The following NCBP2L variants were observed in gnomAD, a reference collection of about 807,000 sequenced individuals.
The protein encoded by NCBP2L is nuclear cap binding protein subunit 2 like.
For synonymous variants in NCBP2L, 39 were observed against 19.2 expected, an observed-to-expected ratio of 2.04 and a Z score of -2.70; for missense variants, 95 against 53.1, an observed-to-expected ratio of 1.79 and a Z score of -2.45.
At chrX:107,781,841 T>TCTATATTTATATATAGATATCTAG in intron 1 of NCBP2L, among the ~76,000 whole-genome samples, 1 of 98,415 alleles carries the variant, frequency 1.0e-5, no homozygotes, top group African/African-American at 3.7e-5. Flanking sequence ...GAGATATATA[T>TCTATATTTATATATAGATATCTAG]ATTTATATAT....
intron 1 of NCBP2L, among the ~76,000 whole-genome samples, chrX:107,791,788 G>T (rs181598907): frequency 8.9e-6 from 1 of 112,407 alleles, no homozygotes; most frequent in East Asian, 2.8e-4. Context: ...CATTGTCACA[G>T]TATTTGTTGC....
chrX:107,792,122 A>G (rs1930460074), intron 1 of NCBP2L, among the ~76,000 whole-genome samples: 1 of 112,330 alleles, frequency 8.9e-6, no homozygotes, highest in Non-Finnish European at 1.9e-5. Context: ...GCTCTCTGCT[A>G]GAACCTTCCT....
chrX:107,779,093 G>C (rs1321755881), intron 1 of NCBP2L, among the ~76,000 whole-genome samples: 1 of 111,830 alleles, frequency 8.9e-6, no homozygotes, highest in Non-Finnish European at 1.9e-5. Flanking sequence ...TTACAAAGCA[G>C]TTCAGTGTTA....
intron 1 of NCBP2L, among the ~76,000 whole-genome samples, chrX:107,784,195 T>C (rs1368183135): frequency 8.9e-6 from 1 of 111,913 alleles, no homozygotes; most frequent in Admixed American, 9.5e-5. Context: ...GTCATTATTG[T>C]TACCTGACCT....
At chrX:107,786,127 A>C (rs1485985909) in intron 1 of NCBP2L, among the ~76,000 whole-genome samples, 1 of 110,961 alleles carries the variant, frequency 9.0e-6, no homozygotes, top group African/African-American at 3.3e-5. Flanking sequence ...TAGCATTGTC[A>C]ATTGTCTTTC....
intron 1 of NCBP2L, among the ~76,000 whole-genome samples, chrX:107,789,174 CT>C (rs760912732): frequency 0.031 from 2,086 of 66,972 alleles, 21 homozygotes; most frequent in African/African-American, 0.068. Context: ...GTCCTAACCT[CT>C]TTTTTTTTTT....
At chrX:107,788,087 A>G (rs1341575905) in intron 1 of NCBP2L, among the ~76,000 whole-genome samples, 1 of 111,931 alleles carries the variant, frequency 8.9e-6, no homozygotes, top group Non-Finnish European at 1.9e-5. Flanking sequence ...TCCAGTAGCA[A>G]GAGTCAAGGA....
rs963393047 is a variant in NCBP2L, at chrX:107,794,922, C to T, written c.*240C>T. The T allele has an allele frequency of 2.0e-4, 50 of 252,806 alleles. 1 individual carries two copies. The East Asian group carries it at 3.3e-3, about 17-fold the overall frequency. The allele number at this position is 252,806 out of a possible 1,213,427, so 20.8% of individuals were successfully genotyped here. On this transcript the variant is annotated 3_prime_UTR_variant, in exon 2 of 2. Coordinates refer to ENST00000509000, the MANE Select transcript of NCBP2L (RefSeq NM_001348372.2). ...AGGTGGTCCAAAGTGAAGTGTTCTT[C>T]GGGAACAAATTAGGTATGTAAGATC...
At chrX:107,791,980 C>T (rs1014360611) in intron 1 of NCBP2L, among the ~76,000 whole-genome samples, 3 of 112,265 alleles carry the variant, frequency 2.7e-5, no homozygotes, top group African/African-American at 9.7e-5. Context: ...ATCTCCACTG[C>T]TTCACTACTG....
At chrX:107,782,826 T>C (rs1053778076) in intron 1 of NCBP2L, among the ~76,000 whole-genome samples, 2 of 107,972 alleles carry the variant, frequency 1.9e-5, no homozygotes, top group African/African-American at 6.7e-5. Context: ...ATTTTATATA[T>C]ACATATACAT....
intron 1 of NCBP2L, among the ~76,000 whole-genome samples, chrX:107,783,753 C>T (rs5962884): frequency 0.28 from 31,302 of 110,056 alleles, 6,147 homozygotes; most frequent in African/African-American, 0.71. Flanking sequence ...AGCTAATTAA[C>T]ATATACATCA....
intron 1 of NCBP2L, among the ~76,000 whole-genome samples, chrX:107,792,341 C>CAAA (rs35382213): frequency 1.4e-4 from 10 of 69,260 alleles, no homozygotes; most frequent in Admixed American, 1.1e-3. Flanking sequence ...GTAACCAGAT[C>CAAA]AAAAAAAAAA....
Position 107,782,190 on chromosome X carries a change from TA to T in NCBP2L, c.-73+4333del, listed in dbSNP as rs1930304063. Among the ~76,000 whole-genome samples, 2 of 21,801 alleles carry T rather than the reference TA, an allele frequency of 9.2e-5. 1 individual carries two copies. Among genetic ancestry groups the T allele is most frequent in the African/African-American group, 5.4e-4 (2 of 3,715 alleles). The allele number at this position is 21,801 out of a possible 115,157, so 18.9% of individuals were successfully genotyped here. ...CTATATATATATATATAAATATATA[TA>T]TATAAATATATATATATAAATATAT... On this transcript the variant is annotated intron_variant, in intron 1 of 1. Coordinates refer to ENST00000509000, the MANE Select transcript of NCBP2L (RefSeq NM_001348372.2).
intron 1 of NCBP2L, among the ~76,000 whole-genome samples, 160 bp from the exon 2 acceptor site, chrX:107,793,989 T>C (rs749263988): frequency 8.9e-6 from 1 of 112,497 alleles, no homozygotes; most frequent in South Asian, 3.7e-4. Flanking sequence ...TGACCATGTT[T>C]TGGGGATTGG....
intron 1 of NCBP2L, among the ~76,000 whole-genome samples, chrX:107,783,372 T>A (rs1414406029): frequency 6.6e-5 from 6 of 90,805 alleles, no homozygotes; most frequent in Admixed American, 2.4e-4. Flanking sequence ...TTTTTTTTTT[T>A]TTTTTTTATT....
At chrX:107,782,518 G>T (rs972173576) in intron 1 of NCBP2L, among the ~76,000 whole-genome samples, 1 of 99,058 alleles carries the variant, frequency 1.0e-5, no homozygotes, top group Non-Finnish European at 2.0e-5. Context: ...GAACAATACA[G>T]TATTGTTAAC....
In NCBP2L at chrX:107,782,182, A is replaced by AAT. The variant is rs1198973774; in HGVS notation, c.-73+4336_-73+4337dup. On this transcript the variant is annotated intron_variant, in intron 1 of 1. Coordinates refer to ENST00000509000, the MANE Select transcript of NCBP2L (RefSeq NM_001348372.2). ...CATCACGGCTATATATATATATATA[A>AAT]ATATATATATATAAATATATATATA... Among the ~76,000 whole-genome samples, 33 of 24,812 alleles carry AAT rather than the reference A, an allele frequency of 1.3e-3. 3 individuals carry two copies. Among genetic ancestry groups the AAT allele is most frequent in the African/African-American group, 7.4e-3 (28 of 3,785 alleles). The allele number at this position is 24,812 out of a possible 115,157, so 21.5% of individuals were successfully genotyped here.
At chrX:107,790,987 T>A (rs887976232) in intron 1 of NCBP2L, among the ~76,000 whole-genome samples, 3 of 111,689 alleles carry the variant, frequency 2.7e-5, no homozygotes, top group Non-Finnish European at 5.6e-5. Flanking sequence ...GCATTGCAAT[T>A]TGTATGTTAA....
intron 1 of NCBP2L, among the ~76,000 whole-genome samples, chrX:107,784,698 C>T (rs969770333): frequency 3.8e-5 from 4 of 105,609 alleles, no homozygotes; most frequent in East Asian, 3.0e-4. Flanking sequence ...TGGGCAGATG[C>T]GGTGGCTCAC....
Sources: gnomAD v4.1 joint callset for allele counts (sites outside exome capture counted in the v4.1 genomes callset) on GRCh38, gnomAD v4.1.1 for gene constraint, MANE v1.5 for transcripts, NCBI Gene and HGNC (gene_info 2026-07-23, HGNC 2026-07-21) for gene names.